Variants in MARCHF5 observed in about 807,000 individuals in gnomAD.
MARCHF5 encodes the protein E3 ubiquitin-protein ligase MARCHF5.
In MARCHF5, 5 loss-of-function variants were observed where a neutral mutation model predicts 36.5. That is an observed-to-expected ratio of 0.14 (90% CI 0.07 to 0.29). The LOEUF is 0.29. Among genes scored for constraint, MARCHF5 ranks in the 10% least tolerant of loss-of-function variants. The probability of loss-of-function intolerance (pLI) is 1.00; values close to 1 mark genes in which losing one functional copy is unlikely to be tolerated. For synonymous variants in MARCHF5, 103 were observed against 109.9 expected, an observed-to-expected ratio of 0.94 and a Z score of 0.39; for missense variants, 179 against 336.3, an observed-to-expected ratio of 0.53 and a Z score of 3.66.
chr10:92,325,169 CAAAAAA>C (rs1039680199), intron 2 of MARCHF5, among the ~76,000 whole-genome samples: 79 of 149,466 alleles, frequency 5.3e-4, no homozygotes, highest in African/African-American at 1.9e-3. Context: ...CCTGTCTCTA[CAAAAAA>C]AAAGAAAAAG....
intron 2 of MARCHF5, among the ~76,000 whole-genome samples, chr10:92,317,422 C>T (rs944446880): frequency 6.6e-6 from 1 of 152,012 alleles, no homozygotes; most frequent in Non-Finnish European, 1.5e-5. Flanking sequence ...TTTAACTTCT[C>T]TCAACATTGT....
chr10:92,337,644 T>A (rs1039382415), intron 2 of MARCHF5, among the ~76,000 whole-genome samples: 7 of 152,106 alleles, frequency 4.6e-5, no homozygotes, highest in Non-Finnish European at 1.5e-5. Context: ...TTTTTTTTTT[T>A]AACACTGAAG....
At chr10:92,339,618 C>T (rs1232908672) in intron 2 of MARCHF5, among the ~76,000 whole-genome samples, 1 of 152,068 alleles carries the variant, frequency 6.6e-6, no homozygotes, top group Non-Finnish European at 1.5e-5. Flanking sequence ...TGCAGTGAGC[C>T]ATGATCGCAC....
At chr10:92,299,992 G>A (rs556109835) in intron 1 of MARCHF5, among the ~76,000 whole-genome samples, 4 of 151,534 alleles carry the variant, frequency 2.6e-5, no homozygotes, top group East Asian at 1.9e-4. Context: ...TAAGACCCCC[G>A]TCTCTACAAA....
chr10:92,296,746 G>T (rs550328600), intron 1 of MARCHF5, among the ~76,000 whole-genome samples: 56 of 152,282 alleles, frequency 3.7e-4, no homozygotes, highest in Admixed American at 2.9e-3. Context: ...AGAAAGAGCA[G>T]AGAGAGTGGT....
chr10:92,302,248 A>G (rs932418265), intron 1 of MARCHF5, among the ~76,000 whole-genome samples: 3 of 151,912 alleles, frequency 2.0e-5, no homozygotes, highest in African/African-American at 7.3e-5. Flanking sequence ...CTGTATTCTC[A>G]CCTTTTCTTT....
At chr10:92,350,969 G>C in intron 5 of MARCHF5, 122 bp from the exon 6 acceptor site, 1 of 621,978 alleles carries the variant, frequency 1.6e-6, no homozygotes, top group South Asian at 2.1e-5. Context: ...TGTTTCATTT[G>C]CAGTCATCTG....
Position 92,353,054 on chromosome 10 carries a change from A to AG in MARCHF5, c.*1848dup, listed in dbSNP as rs967932609. ...TACTACATTAATGCCCTTGACAGGG[A>AG]GTAGCTGCTTGGTTTTATAGGTATT... On this transcript the variant is annotated 3_prime_UTR_variant, in exon 6 of 6. Transcript: ENST00000358935. 81 of 152,492 alleles carry AG rather than the reference A, an allele frequency of 5.3e-4. No individual in the cohort carries two copies. The highest frequency in any genetic ancestry group is 1.8e-3 in the African/African-American group (74 of 41,532). 9.4% of individuals were successfully genotyped at this position (152,492 alleles called of 1,614,324 possible).
chr10:92,307,414 C>T (rs1184129345), intron 1 of MARCHF5, among the ~76,000 whole-genome samples: 1 of 152,082 alleles, frequency 6.6e-6, no homozygotes, highest in Non-Finnish European at 1.5e-5. Context: ...AGTAAGATAG[C>T]AAATCAGTTA....
At chr10:92,327,799 C>A (rs1214784878) in intron 2 of MARCHF5, among the ~76,000 whole-genome samples, 1 of 151,846 alleles carries the variant, frequency 6.6e-6, no homozygotes, top group Non-Finnish European at 1.5e-5. Context: ...AGGAATATAT[C>A]GCAGTTTCAT....
At chr10:92,295,338 T>G (rs1842935607) in intron 1 of MARCHF5, among the ~76,000 whole-genome samples, 1 of 111,490 alleles carries the variant, frequency 9.0e-6, no homozygotes, top group Non-Finnish European at 1.8e-5. Context: ...TTTTTTTTTT[T>G]TTGAGGCGAA....
At chr10:92,316,651 C>G (rs1409805197) in intron 2 of MARCHF5, among the ~76,000 whole-genome samples, 1 of 152,190 alleles carries the variant, frequency 6.6e-6, no homozygotes, top group Non-Finnish European at 1.5e-5. Flanking sequence ...CAGCCTCAGA[C>G]TCCTGGGCTC....
At chr10:92,291,935 C>T (rs1315064282) in intron 1 of MARCHF5, among the ~76,000 whole-genome samples, 6 of 152,056 alleles carry the variant, frequency 3.9e-5, no homozygotes, top group Non-Finnish European at 8.8e-5. Context: ...TTTTAAGTCT[C>T]TGTCTGAGAA....
intron 1 of MARCHF5, among the ~76,000 whole-genome samples, chr10:92,310,884 G>A (rs999218499): frequency 6.6e-6 from 1 of 152,168 alleles, no homozygotes; most frequent in Non-Finnish European, 1.5e-5. Context: ...TTACTGAAAA[G>A]ATAGAGGAGA....
At chr10:92,336,388 G>A (rs1168647047) in intron 2 of MARCHF5, among the ~76,000 whole-genome samples, 1 of 152,132 alleles carries the variant, frequency 6.6e-6, no homozygotes. Context: ...TAAAGAACCA[G>A]ATAGTAAATA....
chr10:92,330,628 A>G (rs1843424674), intron 2 of MARCHF5, among the ~76,000 whole-genome samples: 1 of 152,096 alleles, frequency 6.6e-6, no homozygotes. Flanking sequence ...GCTGTCTTTG[A>G]TTATGCCTTC....
intron 2 of MARCHF5, among the ~76,000 whole-genome samples, chr10:92,335,704 A>T (rs540401990): frequency 1.8e-4 from 28 of 152,206 alleles, no homozygotes; most frequent in Non-Finnish European, 2.1e-4. Context: ...TTTCTTATTC[A>T]AAAGAATTCA....
chr10:92,329,225 T>G (rs962501735), intron 2 of MARCHF5, among the ~76,000 whole-genome samples: 1 of 152,220 alleles, frequency 6.6e-6, no homozygotes, highest in Admixed American at 6.5e-5. Context: ...TGTATTCACC[T>G]GCAATATGTG....
intron 1 of MARCHF5, among the ~76,000 whole-genome samples, chr10:92,293,495 G>A (rs933131679): frequency 6.6e-6 from 1 of 151,950 alleles, no homozygotes; most frequent in African/African-American, 2.4e-5. Flanking sequence ...GTGAGCCTGG[G>A]CACGGTGGCT....
Sources: gnomAD v4.1 joint callset for allele counts (sites outside exome capture counted in the v4.1 genomes callset) on GRCh38, gnomAD v4.1.1 for gene constraint, MANE v1.5 for transcripts, NCBI Gene and HGNC (gene_info 2026-07-23, HGNC 2026-07-21) for gene names.